NEK5: variants seen among roughly 807,000 people sequenced by gnomAD.
The protein encoded by NEK5 is NIMA related kinase 5.
Under a neutral mutation model 109.2 loss-of-function variants are expected in NEK5, and 88 were observed. The observed-to-expected ratio is 0.81, with a 90% CI of 0.68 to 0.96. The LOEUF is 0.96. Ranked by LOEUF, NEK5 falls within the 40% of genes least tolerant of loss-of-function variation. NEK5 has a pLI of 0.00. For missense variants in NEK5, 834 were observed against 920.7 expected (o/e 0.91, Z 1.22); for synonymous variants, 283 against 299.9 (o/e 0.94, Z 0.58).
At position 52,110,343 on chromosome 13, in the gene NEK5, T is replaced by C; in HGVS notation, c.464A>G (p.Asn155Ser). 1 of 1,604,576 alleles carries C rather than the reference T, an allele frequency of 6.2e-7. No individual in the cohort carries two copies. Among genetic ancestry groups the C allele is most frequent in the Non-Finnish European group, 8.5e-7 (1 of 1,171,390 alleles). Residue 155 changes from asparagine (N) to serine (S), a missense_variant, in exon 7 of 24, where the codon AAT (asparagine) becomes AGT (serine). Asn to Ser is a conservative substitution (Grantham distance 46). Transcript: ENST00000684899. Reference protein sequence around the residue: ...LGDFGIARVLNNSMELARTCI... With the variant: ...LGDFGIARVLSNSMELARTCI... ...AAATTATTTTCAAAGTACTTACTTA[T>C]TCAGGACTCTTGCTATACCAAAGTC... is the stretch of plus-strand genomic sequence containing the variant.
chr13:52,119,328 A>C lies in NEK5; in HGVS notation c.205T>G (p.Ser69Ala), dbSNP rs765686697. Residue 69 changes from serine to alanine, a missense_variant, in exon 4 of 24, where the codon TCA becomes GCA. Coordinates refer to ENST00000684899, the MANE Select transcript of NEK5 (RefSeq NM_001365552.1). The stretch of plus-strand genomic sequence containing the variant: ...TATTAGAAAATCAAACCTTGAAATG[A>C]ATTGAAGAAGGCTACAATGTTGGGA... Reference protein sequence around the residue: ...KHPNIVAFFNSFQENGRLFIV... With the variant: ...KHPNIVAFFNAFQENGRLFIV... The C allele has an allele frequency of 6.4e-7, 1 of 1,563,698 alleles. No homozygotes were observed. Among genetic ancestry groups the C allele is most frequent in the Non-Finnish European group, 8.8e-7 (1 of 1,140,098 alleles).
chr13:52,063,230 G>A (rs559553629), intron 21 of NEK5, among the ~76,000 whole-genome samples: 17 of 152,314 alleles, frequency 1.1e-4, no homozygotes, highest in South Asian at 2.1e-4. Context: ...GCGTCGCCAC[G>A]CCTGACTGGT....
At position 52,096,302 on chromosome 13, in the gene NEK5, G is replaced by A. The variant is rs548101519; in HGVS notation, c.1027-3067C>T. On this transcript the variant is annotated intron_variant, in intron 12 of 23. Transcript: ENST00000684899. Reference sequence around the variant, plus strand: ...GTGACTTTGGAACTGGGTAATGGGCGGAGGTTGGAAGAGCGTGGAGGGCTC... The same window carrying A: ...GTGACTTTGGAACTGGGTAATGGGCAGAGGTTGGAAGAGCGTGGAGGGCTC... Among the ~76,000 whole-genome samples the A allele has an allele frequency of 7.2e-5, 11 of 152,278 alleles. No individual in the cohort carries two copies. In the East Asian group the frequency reaches 7.7e-4, roughly 11 times the overall value.
At position 52,083,039 on chromosome 13, in the gene NEK5, C is replaced by T. The variant is rs1481024141; in HGVS notation, c.1572+221G>A. Among the ~76,000 whole-genome samples the T allele has an allele frequency of 3.3e-5, 5 of 152,074 alleles. No individual in the cohort carries two copies. In the East Asian group the frequency reaches 5.8e-4, roughly 18 times the overall value. ...GCGCATGCCTGTAGTCCCAGCTACT[C>T]GGGAGCCTGAAGCAGGAAATCACTT... On this transcript the variant is annotated intron_variant, in intron 17 of 23. Transcript: ENST00000684899.
intron 17 of NEK5, among the ~76,000 whole-genome samples, chr13:52,077,953 A>G (rs1954898732): frequency 6.6e-6 from 1 of 152,160 alleles, no homozygotes; most frequent in African/African-American, 2.4e-5. Flanking sequence ...GCATGCCTGT[A>G]ATCCCAGCTA....
intron 17 of NEK5, 98 bp downstream of exon 17, chr13:52,083,162 G>T: frequency 1.3e-6 from 1 of 748,752 alleles, no homozygotes; most frequent in Non-Finnish European, 2.3e-6. Flanking sequence ...AAAAAAAAAA[G>T]TTCCCTACGT....
At position 52,050,085 on chromosome 13, in the gene NEK5, C is replaced by G. The variant is rs1275946844; in HGVS notation, c.2228+19G>C. On this transcript the variant is annotated intron_variant, in intron 23 of 23. Coordinates refer to ENST00000684899, the MANE Select transcript of NEK5 (RefSeq NM_001365552.1). ...TTGTACCAGTGCTCGACTTAGGTAT[C>G]GGCAAATGATCTACTTACGTATCAT... 6.6e-6 allele frequency: 6 copies of G among 915,112 alleles called. No homozygotes were observed. In the Admixed American group the frequency reaches 1.9e-4, roughly 28 times the overall value. 56.7% of individuals were successfully genotyped at this position (915,112 alleles called of 1,614,324 possible).
chr13:52,122,297 A>G (rs1955985469), intron 3 of NEK5, among the ~76,000 whole-genome samples: 1 of 152,204 alleles, frequency 6.6e-6, no homozygotes. Context: ...TTGAGTTGAT[A>G]TACATAATAA....
intron 4 of NEK5, among the ~76,000 whole-genome samples, chr13:52,117,900 A>G (rs1452181486): frequency 6.6e-6 from 1 of 152,240 alleles, no homozygotes; most frequent in African/African-American, 2.4e-5. Context: ...AATAAAGAAG[A>G]GAAAGATCAT....
chr13:52,065,749 A>T (rs1954679920), intron 20 of NEK5, 140 bp from the exon 21 acceptor site: 2 of 620,646 alleles, frequency 3.2e-6, no homozygotes, highest in Non-Finnish European at 5.7e-6. Context: ...GTTCTAACAG[A>T]TATAAGACTG....
chr13:52,075,891 C>A, intron 18 of NEK5, 65 bp from the exon 19 acceptor site: 1 of 1,116,662 alleles, frequency 9.0e-7, no homozygotes, highest in Non-Finnish European at 1.3e-6. Context: ...ATTACAACTC[C>A]CTAGGTCAAT....
intron 22 of NEK5, among the ~76,000 whole-genome samples, chr13:52,057,083 C>T (rs1346139653): frequency 6.6e-6 from 1 of 151,852 alleles, no homozygotes; most frequent in Non-Finnish European, 1.5e-5. Flanking sequence ...AGAGAAGAAT[C>T]AAATAGATGC....
intron 23 of NEK5, among the ~76,000 whole-genome samples, chr13:52,041,996 G>C (rs1257634226): frequency 6.6e-6 from 1 of 151,822 alleles, no homozygotes; most frequent in Non-Finnish European, 1.5e-5. Context: ...TGAAACATAA[G>C]AATGTAAGGA....
At chr13:52,089,073 G>A (rs1329956508) in intron 14 of NEK5, among the ~76,000 whole-genome samples, 174 bp downstream of exon 14, 1 of 149,008 alleles carries the variant, frequency 6.7e-6, no homozygotes, top group Non-Finnish European at 1.5e-5. Flanking sequence ...CCTGGTGACA[G>A]AGCGAGACTC....
chr13:52,065,334 G>C, intron 21 of NEK5, 150 bp downstream of exon 21: 4 of 1,058,844 alleles, frequency 3.8e-6, no homozygotes, highest in Non-Finnish European at 5.9e-6. Flanking sequence ...TTTAGGCATA[G>C]GGAGATATCA....
intron 14 of NEK5, among the ~76,000 whole-genome samples, chr13:52,088,927 C>T (rs898435876): frequency 6.6e-6 from 1 of 151,848 alleles, no homozygotes; most frequent in Non-Finnish European, 1.5e-5. Flanking sequence ...CCTGTCTCTA[C>T]TAAAAATACA....
At chr13:52,089,760 G>A (rs1955237225) in intron 13 of NEK5, among the ~76,000 whole-genome samples, 1 of 152,016 alleles carries the variant, frequency 6.6e-6, no homozygotes, top group African/African-American at 2.4e-5. Flanking sequence ...GGCCGAGGTG[G>A]GTGGATCACG....
intron 12 of NEK5, among the ~76,000 whole-genome samples, chr13:52,097,046 A>G (rs1955431932): frequency 6.6e-6 from 1 of 152,218 alleles, no homozygotes; most frequent in Admixed American, 6.5e-5. Flanking sequence ...AGAGGGTGCA[A>G]GCCGTAAATC....
At chr13:52,079,902 T>C (rs1337169052) in intron 17 of NEK5, among the ~76,000 whole-genome samples, 2 of 139,012 alleles carry the variant, frequency 1.4e-5, no homozygotes, top group Admixed American at 7.0e-5. Context: ...GGGAGCGCCT[T>C]TGCCCCGCCG....
Sources: allele counts gnomAD v4.1 joint callset (sites outside exome capture counted in the v4.1 genomes callset), GRCh38; gene constraint gnomAD v4.1.1; transcripts MANE v1.5; gene names NCBI Gene and HGNC (gene_info 2026-07-23, HGNC 2026-07-21).